The following PBX1 variants were observed in gnomAD, a reference collection of about 807,000 sequenced individuals.
PBX1 encodes the protein PBX homeobox 1, also known as pre-B-cell leukemia transcription factor 1.
In PBX1, 6 loss-of-function variants were observed where a neutral mutation model predicts 53.4. The ratio of observed to expected loss-of-function variants is 0.11; its 90% confidence interval spans 0.06 to 0.22. The LOEUF (loss-of-function observed/expected upper bound fraction) is 0.22. PBX1 is among the 10% of genes least tolerant of loss of function. The pLI is 1.00. For synonymous variants in PBX1, 204 were observed against 212.3 expected (o/e 0.96, Z 0.34); for missense variants, 251 against 551.4 (o/e 0.46, Z 5.46).
intron 2 of PBX1, among the ~76,000 whole-genome samples, chr1:164,745,043 C>T (rs191879558): frequency 3.3e-4 from 50 of 152,194 alleles, no homozygotes; most frequent in South Asian, 6.2e-4. Flanking sequence ...TTTCAAAGAC[C>T]GGGAAACTGA....
intron 2 of PBX1, among the ~76,000 whole-genome samples, chr1:164,653,160 C>A (rs1414187227): frequency 6.6e-6 from 1 of 152,112 alleles, no homozygotes; most frequent in African/African-American, 2.4e-5. Context: ...ACCCACCACA[C>A]CCAGCCTTGT....
rs556890933 is a variant in PBX1 at position 164,864,755 on chromosome 1, C to G, written n.257+33272C>G. Among the ~76,000 whole-genome samples, 79 of 152,302 alleles carry G rather than the reference C, an allele frequency of 5.2e-4. 1 individual carries two copies. The South Asian group carries it at 0.015, about 28-fold the overall frequency. On this transcript the variant is annotated intron_variant and non_coding_transcript_variant, in intron 2 of 2. Transcript: ENST00000558796. ...GGCAGTACCAGTGACCTTTTCCTGC[C>G]TAAGAAATGTATGCTCAGAAGGCAG...
At chr1:164,723,016 G>A (rs1664493056) in intron 2 of PBX1, among the ~76,000 whole-genome samples, 1 of 152,138 alleles carries the variant, frequency 6.6e-6, no homozygotes, top group African/African-American at 2.4e-5. Flanking sequence ...CTATACAGAG[G>A]TTCAGAAATC....
At chr1:164,565,489 AG>A (rs1653371256) in intron 2 of PBX1, among the ~76,000 whole-genome samples, 1 of 151,670 alleles carries the variant, frequency 6.6e-6, no homozygotes, top group South Asian at 2.1e-4. Flanking sequence ...GGGTGAAAGT[AG>A]GGGAAAAAAA....
At chr1:164,652,979 G>T (rs1036823052) in intron 2 of PBX1, among the ~76,000 whole-genome samples, 1 of 151,106 alleles carries the variant, frequency 6.6e-6, no homozygotes, top group African/African-American at 2.4e-5. Context: ...AAGTAGTTCT[G>T]CCTCAGCCTC....
intron 2 of PBX1, among the ~76,000 whole-genome samples, chr1:164,859,542 G>C (rs1332743349): frequency 6.6e-6 from 1 of 152,168 alleles, no homozygotes; most frequent in African/African-American, 2.4e-5. Flanking sequence ...AGATTGTCTA[G>C]ACTCCCTCTT....
intron 2 of PBX1, among the ~76,000 whole-genome samples, chr1:164,603,836 G>GTATCTAT (rs1463431317): frequency 6.9e-6 from 1 of 144,498 alleles, no homozygotes; most frequent in African/African-American, 2.6e-5. Flanking sequence ...TACCTGAATT[G>GTATCTAT]TATCTATCTA....
intron 2 of PBX1, chr1:164,884,521 G>C (rs1169825182): frequency 4.0e-6 from 2 of 501,642 alleles, no homozygotes; most frequent in East Asian, 4.5e-5. Context: ...GAGTTAAACT[G>C]GAATTTTTCC....
chr1:164,636,504 A>G (rs1318819159), intron 2 of PBX1, among the ~76,000 whole-genome samples: 1 of 152,094 alleles, frequency 6.6e-6, no homozygotes, highest in African/African-American at 2.4e-5. Flanking sequence ...CCAGAGTTGG[A>G]ACGTGAAGCA....
At chr1:164,873,738 A>C (rs934891583) in intron 2 of PBX1, among the ~76,000 whole-genome samples, 1 of 152,230 alleles carries the variant, frequency 6.6e-6, no homozygotes, top group Non-Finnish European at 1.5e-5. Flanking sequence ...TTATAGATCA[A>C]TCTGCTGTGA....
chr1:164,848,485 A>G lies in PBX1; in HGVS notation c.*1809A>G, dbSNP rs949075197. On this transcript the variant is annotated 3_prime_UTR_variant, in exon 9 of 9. Transcript: ENST00000420696. ...TAATGTCCCTGAAATAAACGGGTTC[A>G]TGCCATCTAGGGACAATAAATGGTT... The G allele has an allele frequency of 1.4e-5, 15 of 1,058,530 alleles. No individual in the cohort carries two copies. Among genetic ancestry groups the G allele is most frequent in the African/African-American group, 1.2e-4 (7 of 60,700 alleles). The allele number at this position is 1,058,530 out of a possible 1,614,324, so 65.6% of individuals were successfully genotyped here.
At chr1:164,741,129 G>A (rs1665580147) in intron 2 of PBX1, among the ~76,000 whole-genome samples, 1 of 152,148 alleles carries the variant, frequency 6.6e-6, no homozygotes, top group African/African-American at 2.4e-5. Context: ...AGATTGTGAA[G>A]CACATTTTCT....
At chr1:164,795,693 G>A (rs1571422734) in intron 3 of PBX1, among the ~76,000 whole-genome samples, 1 of 152,114 alleles carries the variant, frequency 6.6e-6, no homozygotes, top group East Asian at 1.9e-4. Context: ...GGGAAATTAT[G>A]CTATTAACCT....
At position 164,846,975 on chromosome 1, in the gene PBX1, G is replaced by C; in HGVS notation, c.*299G>C. The C allele has an allele frequency of 8.2e-7, 1 of 1,226,470 alleles. No individual in the cohort carries two copies. 76.0% of individuals were successfully genotyped at this position (1,226,470 alleles called of 1,614,324 possible). A position where few individuals can be genotyped will look rare whatever the true frequency, so the allele number is the denominator to read the frequency against. On this transcript the variant is annotated 3_prime_UTR_variant, in exon 9 of 9. Coordinates refer to ENST00000420696, the MANE Select transcript of PBX1 (RefSeq NM_002585.4). Reference sequence around the variant, plus strand: ...TCTGTCCTAGACTCCCGGGGTCCCCGCCCTCTCTCATATCACTGAAGGATA... The same window carrying C: ...TCTGTCCTAGACTCCCGGGGTCCCCCCCCTCTCTCATATCACTGAAGGATA...
chr1:164,683,654 A>G (rs897301474), intron 2 of PBX1: 14 of 151,996 alleles, frequency 9.2e-5, no homozygotes, highest in African/African-American at 3.4e-4. Context: ...ATGCGGACCC[A>G]TCTTAGAATA....
chr1:164,616,350 C>T (rs149106775), intron 2 of PBX1, among the ~76,000 whole-genome samples: 1 of 152,214 alleles, frequency 6.6e-6, no homozygotes, highest in African/African-American at 2.4e-5. Flanking sequence ...TACTCCTGCT[C>T]CTGTGACGAG....
chr1:164,797,319 G>T (rs1480145544), intron 3 of PBX1, among the ~76,000 whole-genome samples: 1 of 152,180 alleles, frequency 6.6e-6, no homozygotes, highest in Non-Finnish European at 1.5e-5. Context: ...GCCCAGACGA[G>T]GTGGGGAGGC....
intron 2 of PBX1, among the ~76,000 whole-genome samples, chr1:164,667,707 C>G (rs898383993): frequency 6.6e-6 from 1 of 152,096 alleles, no homozygotes; most frequent in Non-Finnish European, 1.5e-5. Flanking sequence ...GTAATTTTGC[C>G]GAGACAACGC....
chr1:164,731,571 A>G (rs1371406359), intron 2 of PBX1, among the ~76,000 whole-genome samples: 2 of 152,150 alleles, frequency 1.3e-5, no homozygotes, highest in Non-Finnish European at 2.9e-5. Flanking sequence ...AATGCAAACA[A>G]AAACAACATG....
Sources: gnomAD v4.1 joint callset for allele counts (sites outside exome capture counted in the v4.1 genomes callset) on GRCh38, gnomAD v4.1.1 for gene constraint, MANE v1.5 for transcripts, NCBI Gene and HGNC (gene_info 2026-07-23, HGNC 2026-07-21) for gene names.